Variants in DGKB observed in about 807,000 individuals in gnomAD.
DGKB encodes diacylglycerol kinase beta, also known as 90 kDa diacylglycerol kinase.
A neutral mutation model predicts 114.3 loss-of-function variants in DGKB; 67 were observed. That is an observed-to-expected ratio of 0.59 (90% CI 0.48 to 0.72). DGKB has a LOEUF of 0.72. Among genes scored for constraint, DGKB ranks in the 30% least tolerant of loss-of-function variants. The pLI is 0.00. For missense variants in DGKB, 907 were observed against 975.2 expected (o/e 0.93, Z 0.93); for synonymous variants, 398 against 323.1 (o/e 1.23, Z -2.49).
At chr7:14,743,056 T>C (rs1449374117) in intron 4 of DGKB, among the ~76,000 whole-genome samples, 1 of 152,204 alleles carries the variant, frequency 6.6e-6, no homozygotes, top group Non-Finnish European at 1.5e-5. Context: ...CAAGGTTTTC[T>C]TAAGGTACTA....
At chr7:14,895,705 G>A (rs769366685) in intron 1 of DGKB, among the ~76,000 whole-genome samples, 4 of 151,516 alleles carry the variant, frequency 2.6e-5, no homozygotes, top group Non-Finnish European at 5.9e-5. Flanking sequence ...GGATGAATAG[G>A]ATACAGGACC....
chr7:14,665,130 T>C (rs555792452), intron 13 of DGKB, among the ~76,000 whole-genome samples: 33 of 152,094 alleles, frequency 2.2e-4, no homozygotes, highest in Non-Finnish European at 3.8e-4. Flanking sequence ...AATTTATCAA[T>C]ATAAAATATT....
chr7:14,300,733 G>T (rs1185310148), intron 23 of DGKB, among the ~76,000 whole-genome samples: 1 of 152,002 alleles, frequency 6.6e-6, no homozygotes, highest in African/African-American at 2.4e-5. Flanking sequence ...GTTTTAACAA[G>T]TGTATCGTTC....
upstream of DGKB, among the ~76,000 whole-genome samples, chr7:14,907,139 A>T (rs1783752987): frequency 6.6e-6 from 1 of 152,226 alleles, no homozygotes; most frequent in African/African-American, 2.4e-5. Flanking sequence ...GGAGAGATTC[A>T]GAAAAGACAT....
At chr7:14,790,209 GT>G (rs1204054136) in intron 2 of DGKB, among the ~76,000 whole-genome samples, 1 of 152,108 alleles carries the variant, frequency 6.6e-6, no homozygotes, top group Non-Finnish European at 1.5e-5. Flanking sequence ...TGATTTATAT[GT>G]GTTTTCCAAG....
chr7:14,312,182 TCTCTTGACC>T (rs1457679349), intron 23 of DGKB, among the ~76,000 whole-genome samples: 1 of 152,208 alleles, frequency 6.6e-6, no homozygotes, highest in Non-Finnish European at 1.5e-5. Flanking sequence ...TTCTGTTAAC[TCTCTTGACC>T]CCTATTATAA....
In DGKB at chr7:14,524,139, T is replaced by G. The variant is rs1157039005; in HGVS notation, c.1771-45914A>C. On this transcript the variant is annotated intron_variant, in intron 20 of 25. Coordinates refer to ENST00000402815, the MANE Select transcript of DGKB (RefSeq NM_001350709.2). ...GAAACTCATTGTCTAATGTTTGTAT[T>G]TTATATTTATTGTGTTATATTCAGA... Among the ~76,000 whole-genome samples the G allele has an allele frequency of 2.0e-5, 3 of 152,192 alleles. No individual in the cohort carries two copies. In the East Asian group the frequency reaches 5.8e-4, roughly 29 times the overall value.
At chr7:14,340,819 C>A (rs540225554) in intron 22 of DGKB, among the ~76,000 whole-genome samples, 437 of 151,834 alleles carry the variant, frequency 2.9e-3, no homozygotes, top group African/African-American at 0.01. Context: ...AAGCTGGAGT[C>A]AGGGCCTGGC....
rs576299171 is a variant in DGKB, at chr7:14,696,386, T to C, written c.591+1709A>G. Among the ~76,000 whole-genome samples the C allele has an allele frequency of 3.2e-3, 479 of 151,194 alleles. 1 individual carries two copies. Among genetic ancestry groups the C allele is most frequent in the African/African-American group, 0.011 (457 of 41,246 alleles). On this transcript the variant is annotated intron_variant, in intron 8 of 25. Transcript: ENST00000402815. ...GGCGGGCGCCTGTAGTCCCAGCTAC[T>C]CGGGAGGCTGAGGCAGGAGAATGGA...
At chr7:14,547,588 C>T (rs1302459299) in intron 20 of DGKB, among the ~76,000 whole-genome samples, 3 of 151,952 alleles carry the variant, frequency 2.0e-5, no homozygotes, top group African/African-American at 7.3e-5. Context: ...CTGTTCTGAC[C>T]CTGTTGCAGA....
rs187530882 is a variant in DGKB at position 14,646,655 on chromosome 7, A to T, written c.1135-16387T>A. Among the ~76,000 whole-genome samples, 3 of 152,266 alleles carry T rather than the reference A, an allele frequency of 2.0e-5. No individual in the cohort carries two copies. In the South Asian group the frequency reaches 6.2e-4, roughly 32 times the overall value. ...CTCTCAAGCATCTTCTCAGAACACA[A>T]TAAAATAAAATCAGAATCAATATTA... On this transcript the variant is annotated intron_variant, in intron 13 of 25. Transcript: ENST00000402815.
chr7:14,621,348 C>G (rs1274300724), intron 15 of DGKB, 30 bp downstream of exon 15: 1 of 1,374,988 alleles, frequency 7.3e-7, no homozygotes, highest in Admixed American at 1.7e-5. Flanking sequence ...AATATGAAAC[C>G]TACTAAAATT....
At chr7:14,665,152 G>GA (rs900929056) in intron 13 of DGKB, among the ~76,000 whole-genome samples, 2 of 151,668 alleles carry the variant, frequency 1.3e-5, no homozygotes, top group African/African-American at 4.8e-5. Context: ...ATATTGATAT[G>GA]AAAAAAAGGC....
At chr7:14,518,970 C>A (rs1789299000) in intron 20 of DGKB, among the ~76,000 whole-genome samples, 1 of 151,910 alleles carries the variant, frequency 6.6e-6, no homozygotes, top group African/African-American at 2.4e-5. Flanking sequence ...GTTCCAGGGG[C>A]CATACTTTGA....
intron 1 of DGKB, among the ~76,000 whole-genome samples, chr7:14,913,144 C>T (rs1184492205): frequency 1.3e-5 from 2 of 151,986 alleles, no homozygotes; most frequent in Non-Finnish European, 2.9e-5. Context: ...TACTACTGTC[C>T]TGTCAGTACT....
At chr7:14,904,859 G>A (rs1049948469), upstream of DGKB, among the ~76,000 whole-genome samples, 2 of 152,100 alleles carry the variant, frequency 1.3e-5, no homozygotes, top group African/African-American at 4.8e-5. Context: ...GCAGTGTAAG[G>A]AAGTAGGCAC....
intron 20 of DGKB, among the ~76,000 whole-genome samples, chr7:14,490,011 T>C (rs1046608065): frequency 6.6e-6 from 1 of 152,142 alleles, no homozygotes; most frequent in Non-Finnish European, 1.5e-5. Flanking sequence ...AGGTTCTCTA[T>C]AACATTCATT....
chr7:14,923,949 A>C (rs1784627289), intron 1 of DGKB, among the ~76,000 whole-genome samples: 1 of 140,848 alleles, frequency 7.1e-6, no homozygotes, highest in Non-Finnish European at 1.5e-5. Context: ...GAGCAACTGC[A>C]CTCCAACCTG....
At chr7:14,894,676 C>A (rs975338188) in intron 1 of DGKB, among the ~76,000 whole-genome samples, 9 of 151,398 alleles carry the variant, frequency 5.9e-5, no homozygotes, top group Non-Finnish European at 1.3e-4. Flanking sequence ...TGCCTAAGCA[C>A]CAAATGTACC....
Sources: gnomAD v4.1 joint callset for allele counts (sites outside exome capture counted in the v4.1 genomes callset) on GRCh38, gnomAD v4.1.1 for gene constraint, MANE v1.5 for transcripts, NCBI Gene and HGNC (gene_info 2026-07-23, HGNC 2026-07-21) for gene names.